SLC25A26: variants seen among roughly 807,000 people sequenced by gnomAD.
SLC25A26 encodes solute carrier family 25 member 26.
A neutral mutation model predicts 37.8 loss-of-function variants in SLC25A26; 36 were observed. That is an observed-to-expected ratio of 0.95 (90% CI 0.73 to 1.26). The LOEUF is 1.26. Ranked by LOEUF, SLC25A26 falls within the 50% of genes most tolerant of loss-of-function variation. The probability of loss-of-function intolerance (pLI) is 0.00; values close to 1 mark genes in which losing one functional copy is unlikely to be tolerated. For missense variants in SLC25A26, 390 were observed against 331.1 expected (o/e 1.18, Z -1.38); for synonymous variants, 129 against 122.5 (o/e 1.05, Z -0.35).
chr3:66,373,127 C>A (rs1700443096), intron 9 of SLC25A26, among the ~76,000 whole-genome samples: 1 of 152,182 alleles, frequency 6.6e-6, no homozygotes, highest in Non-Finnish European at 1.5e-5. Flanking sequence ...CCCCGGATGG[C>A]CCCTTTCTGG....
intron 1 of SLC25A26, among the ~76,000 whole-genome samples, chr3:66,225,158 A>T (rs1576658076): frequency 6.6e-6 from 1 of 151,900 alleles, no homozygotes; most frequent in Non-Finnish European, 1.5e-5. Flanking sequence ...GGGACTCCTT[A>T]CTGGGGCAGC....
chr3:66,166,388 C>T (rs1246475522), intron 1 of SLC25A26, among the ~76,000 whole-genome samples: 1 of 152,212 alleles, frequency 6.6e-6, no homozygotes, highest in East Asian at 1.9e-4. Flanking sequence ...ACTCTCCTTG[C>T]TGCATTTCTT....
chr3:66,213,261 G>A (rs937781182), intron 1 of SLC25A26, among the ~76,000 whole-genome samples: 2 of 151,876 alleles, frequency 1.3e-5, no homozygotes, highest in East Asian at 1.9e-4. Flanking sequence ...TTAGCCAGGT[G>A]TGGTAGCCCA....
intron 5 of SLC25A26, among the ~76,000 whole-genome samples, chr3:66,264,676 C>T (rs1222874788): frequency 6.6e-6 from 1 of 152,184 alleles, no homozygotes; most frequent in African/African-American, 2.4e-5. Flanking sequence ...CCACCCACCC[C>T]ACCACTGGTC....
chr3:66,273,069 G>T (rs1044624551), intron 5 of SLC25A26, among the ~76,000 whole-genome samples: 10 of 152,058 alleles, frequency 6.6e-5, no homozygotes, highest in Non-Finnish European at 1.3e-4. Flanking sequence ...TTTTGTCTTT[G>T]GTTCTGTTTA....
chr3:66,376,750 TC>T (rs1700671841), intron 9 of SLC25A26, among the ~76,000 whole-genome samples: 1 of 152,234 alleles, frequency 6.6e-6, no homozygotes, highest in Non-Finnish European at 1.5e-5. Context: ...ATGCCTGTAC[TC>T]TTGGTGAAAA....
chr3:66,146,077 C>T (rs2070110507), intron 1 of SLC25A26, among the ~76,000 whole-genome samples: 1 of 152,120 alleles, frequency 6.6e-6, no homozygotes, highest in South Asian at 2.1e-4. Flanking sequence ...CAGTGGCTCA[C>T]ACCTGTAATC....
At chr3:66,332,068 A>AT (rs1426394299) in intron 5 of SLC25A26, among the ~76,000 whole-genome samples, 1 of 151,984 alleles carries the variant, frequency 6.6e-6, no homozygotes, top group Non-Finnish European at 1.5e-5. Context: ...AGTAGCTGGG[A>AT]TTACAGGTGC....
intron 1 of SLC25A26, among the ~76,000 whole-genome samples, chr3:66,149,194 T>C (rs866916660): frequency 7.2e-5 from 11 of 152,182 alleles, no homozygotes; most frequent in Non-Finnish European, 1.0e-4. Flanking sequence ...GAAAATAAAG[T>C]ATCTCTTTAT....
chr3:66,325,693 G>C (rs78011527), intron 5 of SLC25A26, among the ~76,000 whole-genome samples: 2 of 152,292 alleles, frequency 1.3e-5, no homozygotes, highest in East Asian at 3.9e-4. Flanking sequence ...AGGCCCCGGA[G>C]ATAAGGCCAG....
At chr3:66,177,775 C>T (rs1025167735) in intron 1 of SLC25A26, among the ~76,000 whole-genome samples, 8 of 152,132 alleles carry the variant, frequency 5.3e-5, no homozygotes, top group Admixed American at 2.0e-4. Context: ...AACACTTTAC[C>T]GTAAATTTAC....
At chr3:66,187,463 A>C (rs2070851158) in intron 1 of SLC25A26, among the ~76,000 whole-genome samples, 1 of 151,972 alleles carries the variant, frequency 6.6e-6, no homozygotes, top group Non-Finnish European at 1.5e-5. Context: ...CACATCTTGA[A>C]ACTTACCCTT....
intron 7 of SLC25A26, among the ~76,000 whole-genome samples, chr3:66,363,916 C>G (rs1252517039): frequency 6.6e-6 from 1 of 152,128 alleles, no homozygotes; most frequent in African/African-American, 2.4e-5. Flanking sequence ...TGATGATGAT[C>G]GTTTCCACAT....
intron 5 of SLC25A26, among the ~76,000 whole-genome samples, chr3:66,333,888 A>T (rs535800852): frequency 1.3e-5 from 2 of 152,168 alleles, no homozygotes; most frequent in Admixed American, 1.3e-4. Context: ...TATTACAGAG[A>T]GTGCAAGTCT....
At chr3:66,177,738 T>C (rs988667439) in intron 1 of SLC25A26, among the ~76,000 whole-genome samples, 7 of 152,236 alleles carry the variant, frequency 4.6e-5, no homozygotes, top group Non-Finnish European at 7.3e-5. Flanking sequence ...AAAGTAAAGC[T>C]GACTTTTTAG....
chr3:66,313,037 G>T (rs764298404), intron 5 of SLC25A26, among the ~76,000 whole-genome samples: 2 of 152,186 alleles, frequency 1.3e-5, no homozygotes, highest in African/African-American at 2.4e-5. Flanking sequence ...ACCTTTGTCA[G>T]ATGGATGGAT....
chr3:66,261,707 G>C (rs2073534218), intron 3 of SLC25A26: 1 of 188,966 alleles, frequency 5.3e-6, no homozygotes, highest in South Asian at 1.1e-4. Flanking sequence ...CATCACACAT[G>C]TTTGAAATGT....
intron 3 of SLC25A26, among the ~76,000 whole-genome samples, chr3:66,258,722 G>T (rs2073402539): frequency 1.3e-5 from 2 of 151,974 alleles, no homozygotes; most frequent in Non-Finnish European, 2.9e-5. Context: ...TATTAATTGG[G>T]CATGGTGGCA....
At chr3:66,283,716 T>C (rs2074419162) in intron 5 of SLC25A26, among the ~76,000 whole-genome samples, 1 of 152,200 alleles carries the variant, frequency 6.6e-6, no homozygotes, top group Admixed American at 6.5e-5. Flanking sequence ...TATTTATTAT[T>C]GTTTTAATCT....
Sources: gnomAD v4.1 joint callset for allele counts (sites outside exome capture counted in the v4.1 genomes callset) on GRCh38, gnomAD v4.1.1 for gene constraint, MANE v1.5 for transcripts, NCBI Gene and HGNC (gene_info 2026-07-23, HGNC 2026-07-21) for gene names.